The following ROR1 variants were observed in gnomAD, a reference collection of about 807,000 sequenced individuals.
The protein encoded by ROR1 is inactive tyrosine-protein kinase transmembrane receptor ROR1.
ROR1 carries 19 observed loss-of-function variants against 78.8 expected under a neutral mutation model. The ratio of observed to expected loss-of-function variants is 0.24; its 90% CI spans 0.17 to 0.35. The LOEUF is 0.35. Among genes scored for constraint, ROR1 ranks in the 10% least tolerant of loss-of-function variants. The pLI, the probability that ROR1 is intolerant of heterozygous loss-of-function variation, is 1.00. For synonymous variants in ROR1, 386 were observed against 433.6 expected, an observed-to-expected ratio of 0.89 and a Z score of 1.36; for missense variants, 917 against 1,177.8, an observed-to-expected ratio of 0.78 and a Z score of 3.24.
intron 8 of ROR1, among the ~76,000 whole-genome samples, chr1:64,163,981 T>C (rs936456438): frequency 6.6e-6 from 1 of 152,194 alleles, no homozygotes; most frequent in Admixed American, 6.5e-5. Context: ...TTGCCAAGTC[T>C]TCCTCCCCTT....
At chr1:64,021,696 G>C (rs994570888) in intron 2 of ROR1, among the ~76,000 whole-genome samples, 1 of 152,170 alleles carries the variant, frequency 6.6e-6, no homozygotes, top group East Asian at 1.9e-4. Flanking sequence ...GTGTGTATAG[G>C]GAGGAAAGAA....
intron 4 of ROR1, among the ~76,000 whole-genome samples, chr1:64,126,684 TCATTTC>T (rs1429867815): frequency 1.3e-5 from 2 of 152,194 alleles, no homozygotes; most frequent in African/African-American, 4.8e-5. Context: ...CCTGGTCTTC[TCATTTC>T]CAGTCCGGTG....
intron 8 of ROR1, among the ~76,000 whole-genome samples, chr1:64,161,100 C>T (rs763965404): frequency 1.3e-4 from 20 of 152,138 alleles, no homozygotes; most frequent in Non-Finnish European, 2.4e-4. Context: ...ATATATATAT[C>T]GATGAATACA....
intron 1 of ROR1, among the ~76,000 whole-genome samples, chr1:63,919,029 A>G (rs1165300580): frequency 6.6e-6 from 1 of 152,236 alleles, no homozygotes; most frequent in Non-Finnish European, 1.5e-5. Flanking sequence ...TAAAAAACTG[A>G]CAAATCTTCC....
At chr1:64,018,884 C>T (rs879209770) in intron 2 of ROR1, among the ~76,000 whole-genome samples, 14 of 152,102 alleles carry the variant, frequency 9.2e-5, no homozygotes, top group African/African-American at 1.9e-4. Context: ...TGGAGAGACC[C>T]GGGTTCGTTG....
intron 1 of ROR1, among the ~76,000 whole-genome samples, chr1:63,986,137 G>A (rs1349655319): frequency 6.6e-6 from 1 of 152,118 alleles, no homozygotes; most frequent in Non-Finnish European, 1.5e-5. Context: ...ATAGAGGGGT[G>A]CATGACTAGG....
Position 64,001,628 on chromosome 1 carries a change from C to A in ROR1, c.92-7677C>A, listed in dbSNP as rs572189930. On this transcript the variant is annotated intron_variant, in intron 1 of 8. Coordinates refer to ENST00000371079, the MANE Select transcript of ROR1 (RefSeq NM_005012.4). ...ATGGAGACGTTTCCCTCAACCCCAC[C>A]CAAGTCCTGAATGGACTTTCAAGAG... Among the ~76,000 whole-genome samples the A allele has an allele frequency of 2.0e-5, 3 of 152,240 alleles. No homozygotes were observed. In the East Asian group the frequency reaches 5.8e-4, roughly 29 times the overall value.
chr1:64,109,097 T>C (rs1319446408), intron 4 of ROR1, among the ~76,000 whole-genome samples: 1 of 151,898 alleles, frequency 6.6e-6, no homozygotes, highest in Admixed American at 6.6e-5. Flanking sequence ...TCTCTGGGGG[T>C]GGTTCCTGGC....
At chr1:63,967,998 A>AT (rs1646089364) in intron 1 of ROR1, among the ~76,000 whole-genome samples, 1 of 152,038 alleles carries the variant, frequency 6.6e-6, no homozygotes, top group African/African-American at 2.4e-5. Flanking sequence ...TCCTTCTTAC[A>AT]TTTTGTTTCC....
chr1:64,020,844 A>C (rs1646559304), intron 2 of ROR1, among the ~76,000 whole-genome samples: 2 of 152,180 alleles, frequency 1.3e-5, no homozygotes, highest in South Asian at 4.2e-4. Context: ...AGTGTGTGAA[A>C]ACTTCTTTTA....
intron 1 of ROR1, among the ~76,000 whole-genome samples, chr1:63,920,567 C>G (rs1013267076): frequency 6.6e-6 from 1 of 152,176 alleles, no homozygotes; most frequent in African/African-American, 2.4e-5. Flanking sequence ...ACTCCAGAGT[C>G]TCTTATCTTC....
chr1:64,111,145 C>A (rs1234397819), intron 4 of ROR1: 1 of 152,148 alleles, frequency 6.6e-6, no homozygotes, highest in African/African-American at 2.4e-5. Context: ...TAAAACTTCT[C>A]CTAGAAGAGC....
chr1:64,180,722 A>G lies in ROR1; in HGVS notation c.*1867A>G, dbSNP rs891849239. On this transcript the variant is annotated 3_prime_UTR_variant, in exon 9 of 9. Coordinates refer to ENST00000371079, the MANE Select transcript of ROR1 (RefSeq NM_005012.4). ...GCTTCAAACCACAATTTTGTATATC[A>G]TATGACAATCAATTGTTTTCCAAGA... 1.3e-5 allele frequency: 2 copies of G among 152,192 alleles called. No homozygotes were observed. Among genetic ancestry groups the G allele is most frequent in the African/African-American group, 4.8e-5 (2 of 41,468 alleles). The allele number at this position is 152,192 out of a possible 1,614,324, so 9.4% of individuals were successfully genotyped here. A position where few individuals can be genotyped will look rare whatever the true frequency, so the allele number is the denominator to read the frequency against.
chr1:64,177,511 C>T lies in ROR1; in HGVS notation c.1470C>T (p.Gly490=). ...GECAFGKIYK[G]HLYLPGMDHA... is the part of the protein sequence containing the mutation. The stretch of plus-strand genomic sequence containing the variant: ...GTGCCTTTGGAAAAATCTATAAAGG[C>T]CATCTCTATCTCCCAGGCATGGACC... Residue 490 remains glycine, a synonymous_variant, in exon 9 of 9, where the codon GGC becomes GGT. Coordinates refer to ENST00000371079, the MANE Select transcript of ROR1 (RefSeq NM_005012.4). 6.2e-7 allele frequency: 1 copy of T among 1,614,094 alleles called. No homozygotes were observed. The highest frequency in any genetic ancestry group is 8.5e-7 in the Non-Finnish European group (1 of 1,180,014).
intron 4 of ROR1, among the ~76,000 whole-genome samples, chr1:64,051,687 G>T (rs1646833715): frequency 6.6e-6 from 1 of 152,020 alleles, no homozygotes; most frequent in African/African-American, 2.4e-5. Flanking sequence ...CACTTTAAGA[G>T]TATCTACTTG....
intron 1 of ROR1, among the ~76,000 whole-genome samples, chr1:63,788,457 G>C (rs570191330): frequency 5.9e-5 from 9 of 152,166 alleles, no homozygotes; most frequent in Admixed American, 5.9e-4. Flanking sequence ...TCACTAAAAC[G>C]TGTTGACTGT....
At chr1:63,852,512 T>C (rs550055469) in intron 1 of ROR1, among the ~76,000 whole-genome samples, 1 of 152,250 alleles carries the variant, frequency 6.6e-6, no homozygotes, top group Non-Finnish European at 1.5e-5. Context: ...GAGGTGTTTT[T>C]ATTCACAGAT....
At chr1:64,042,076 TAA>T (rs987186018) in intron 2 of ROR1, among the ~76,000 whole-genome samples, 7 of 152,152 alleles carry the variant, frequency 4.6e-5, no homozygotes, top group South Asian at 2.1e-4. Flanking sequence ...TTTTGAGGAA[TAA>T]GTTAATTACA....
At chr1:63,915,128 C>G (rs1046530085) in intron 1 of ROR1, among the ~76,000 whole-genome samples, 2 of 152,200 alleles carry the variant, frequency 1.3e-5, no homozygotes, top group Non-Finnish European at 2.9e-5. Flanking sequence ...AACTGAGTCT[C>G]TAAGAGGTTA....
Sources: allele counts gnomAD v4.1 joint callset (sites outside exome capture counted in the v4.1 genomes callset), GRCh38; gene constraint gnomAD v4.1.1; transcripts MANE v1.5; gene names NCBI Gene and HGNC (gene_info 2026-07-23, HGNC 2026-07-21).